SENP5: variants seen among roughly 807,000 people sequenced by gnomAD.
The protein encoded by SENP5 is SUMO specific peptidase 5.
In SENP5, 21 loss-of-function variants were observed where a neutral mutation model predicts 74.2. The ratio of observed to expected loss-of-function variants is 0.28; its 90% confidence interval spans 0.20 to 0.41. SENP5 has a LOEUF of 0.41. Among genes scored for constraint, SENP5 ranks in the 10% least tolerant of loss-of-function variants. SENP5 has a pLI of 1.00. For synonymous variants in SENP5, 311 were observed against 312.7 expected, an observed-to-expected ratio of 0.99 and a Z score of 0.06; for missense variants, 717 against 889.1, an observed-to-expected ratio of 0.81 and a Z score of 2.46.
intron 2 of SENP5, among the ~76,000 whole-genome samples, chr3:196,895,830 T>A (rs1009738272): frequency 3.9e-5 from 6 of 152,170 alleles, no homozygotes; most frequent in African/African-American, 1.4e-4. Context: ...CCGGGTACTT[T>A]AAATTCTAAA....
intron 6 of SENP5, among the ~76,000 whole-genome samples, chr3:196,916,077 C>T (rs1715362836): frequency 6.6e-6 from 1 of 152,142 alleles, no homozygotes; most frequent in Middle Eastern, 3.2e-3. Context: ...ATAATCTCAG[C>T]ACTTTGGGAG....
At chr3:196,896,454 G>GTTGATTGA (rs1200663820) in intron 2 of SENP5, among the ~76,000 whole-genome samples, 2 of 84,556 alleles carry the variant, frequency 2.4e-5, no homozygotes, top group African/African-American at 7.3e-5. Context: ...TGATTGACTG[G>GTTGATTGA]TTGATTGATT....
At chr3:196,875,160 C>A (rs772196188) in intron 1 of SENP5, among the ~76,000 whole-genome samples, 1 of 152,176 alleles carries the variant, frequency 6.6e-6, no homozygotes, top group Non-Finnish European at 1.5e-5. Context: ...GTCTGTGTTT[C>A]GTATCAGTGA....
intron 2 of SENP5, among the ~76,000 whole-genome samples, chr3:196,890,370 C>T (rs1714150002): frequency 6.6e-6 from 1 of 152,208 alleles, no homozygotes; most frequent in Non-Finnish European, 1.5e-5. Context: ...AATATGACTG[C>T]ACATTATGCT....
rs529415562 is a variant in SENP5 at position 196,923,338 on chromosome 3, A to G, written c.1885-76A>G. On this transcript the variant is annotated intron_variant, in intron 6 of 9. Coordinates refer to ENST00000323460, the MANE Select transcript of SENP5 (RefSeq NM_152699.5). The stretch of plus-strand genomic sequence containing the variant: ...GCCCTTGTGCAGGTCAAAGGTCAGC[A>G]AATGGAAGCTGCTGGTTTTTGGTGG... 1.4e-4 allele frequency: 214 copies of G among 1,512,388 alleles called. No homozygotes were observed. The African/African-American group carries it at 2.8e-3, about 20-fold the overall frequency. The allele number at this position is 1,512,388 out of a possible 1,614,324, so 93.7% of individuals were successfully genotyped here.
chr3:196,870,769 C>T (rs1007374051), intron 1 of SENP5, among the ~76,000 whole-genome samples: 1 of 152,088 alleles, frequency 6.6e-6, no homozygotes, highest in Non-Finnish European at 1.5e-5. Flanking sequence ...CTCTCCGTCT[C>T]AGCCTCCCAA....
chr3:196,888,719 T>G (rs140189793), intron 2 of SENP5, among the ~76,000 whole-genome samples: 105 of 152,312 alleles, frequency 6.9e-4, no homozygotes, highest in African/African-American at 2.4e-3. Context: ...ATAGGACATC[T>G]GGACAGATAT....
intron 6 of SENP5, among the ~76,000 whole-genome samples, chr3:196,922,321 G>A (rs1418586695): frequency 6.6e-6 from 1 of 152,186 alleles, no homozygotes; most frequent in African/African-American, 2.4e-5. Context: ...ACGTGGAAGA[G>A]CCACAATTTG....
At chr3:196,869,489 G>T (rs530016021) in intron 1 of SENP5, among the ~76,000 whole-genome samples, 1 of 151,750 alleles carries the variant, frequency 6.6e-6, no homozygotes, top group South Asian at 2.1e-4. Context: ...AGCCGGGCGC[G>T]GTGGTTGACG....
chr3:196,900,767 G>A (rs2108837121), intron 5 of SENP5, among the ~76,000 whole-genome samples: 1 of 152,006 alleles, frequency 6.6e-6, no homozygotes, highest in Admixed American at 6.6e-5. Context: ...TGTATTTTTA[G>A]TAGAGACAGG....
chr3:196,885,796 C>T lies in SENP5; in HGVS notation c.615C>T (p.His205=). ...FCYGCCQGPE[H]HRNGGPLIPK... ...ACGGCTGCTGCCAAGGGCCGGAGCA[C>T]CACAGGAATGGGGGACCCTTGATTC... The change falls in exon 2 of 10, where the codon CAC becomes CAT. Residue 205 remains histidine (H), a synonymous_variant. Transcript: ENST00000323460. 1 of 1,614,192 alleles carries T rather than the reference C, an allele frequency of 6.2e-7. No individual in the cohort carries two copies. The highest frequency in any genetic ancestry group is 8.5e-7 in the Non-Finnish European group (1 of 1,180,026).
At chr3:196,894,745 T>G (rs950758578) in intron 2 of SENP5, among the ~76,000 whole-genome samples, 4 of 152,196 alleles carry the variant, frequency 2.6e-5, no homozygotes, top group African/African-American at 9.6e-5. Flanking sequence ...CTGGCGCTCC[T>G]TATTCACCTC....
intron 6 of SENP5, chr3:196,904,850 A>AGT (rs1380333860): frequency 3.3e-5 from 5 of 152,098 alleles, no homozygotes; most frequent in Non-Finnish European, 7.4e-5. Flanking sequence ...GCAGGCAAGG[A>AGT]GTGTGTATGA....
intron 2 of SENP5, among the ~76,000 whole-genome samples, chr3:196,888,944 G>A (rs1714092106): frequency 6.6e-6 from 1 of 151,840 alleles, no homozygotes; most frequent in Non-Finnish European, 1.5e-5. Context: ...GTGAAACCCC[G>A]TCCCTACTAA....
At chr3:196,923,254 A>C (rs368714446) in intron 6 of SENP5, among the ~76,000 whole-genome samples, 160 bp from the exon 7 acceptor site, 7 of 152,256 alleles carry the variant, frequency 4.6e-5, no homozygotes, top group South Asian at 2.1e-4. Context: ...AATAGTTACA[A>C]GCATGGGCTT....
intron 1 of SENP5, among the ~76,000 whole-genome samples, chr3:196,884,327 C>T (rs139904017): frequency 0.011 from 1,672 of 152,300 alleles, 21 homozygotes; most frequent in African/African-American, 0.032. Context: ...AAAGAACCAA[C>T]ACAAGCATAC....
At chr3:196,888,627 A>AT (rs1317400545) in intron 2 of SENP5, among the ~76,000 whole-genome samples, 1 of 152,022 alleles carries the variant, frequency 6.6e-6, no homozygotes, top group Middle Eastern at 3.2e-3. Flanking sequence ...AAGTTGCAAA[A>AT]TGGTATGAAA....
intron 6 of SENP5, chr3:196,913,003 T>C (rs1465093747): frequency 6.6e-6 from 1 of 152,208 alleles, no homozygotes; most frequent in African/African-American, 2.4e-5. Flanking sequence ...TGTGTAATTA[T>C]CAGATTTCAA....
chr3:196,883,977 C>T (rs1426520360), intron 1 of SENP5, among the ~76,000 whole-genome samples: 2 of 152,184 alleles, frequency 1.3e-5, no homozygotes, highest in African/African-American at 2.4e-5. Flanking sequence ...CAGGCATGGG[C>T]CACCACACCT....
Sources: gnomAD v4.1 joint callset for allele counts (sites outside exome capture counted in the v4.1 genomes callset) on GRCh38, gnomAD v4.1.1 for gene constraint, MANE v1.5 for transcripts, NCBI Gene and HGNC (gene_info 2026-07-23, HGNC 2026-07-21) for gene names.